SOS2: variants seen among roughly 807,000 people sequenced by gnomAD.
SOS2 encodes SOS Ras/Rho guanine nucleotide exchange factor 2, also known as son of sevenless homolog 2.
Under a neutral mutation model 148.2 loss-of-function variants are expected in SOS2, and 65 were observed. The observed-to-expected ratio is 0.44, with a 90% confidence interval of 0.36 to 0.54. SOS2 has a LOEUF of 0.54. SOS2 is among the 20% of genes least tolerant of loss of function. SOS2 has a pLI of 0.00. For synonymous variants in SOS2, 539 were observed against 537.1 expected, an observed-to-expected ratio of 1.00 and a Z score of -0.05; for missense variants, 1,341 against 1,590.2, an observed-to-expected ratio of 0.84 and a Z score of 2.67.
chr14:50,162,633 C>T (rs1885045721), intron 8 of SOS2, among the ~76,000 whole-genome samples: 1 of 152,110 alleles, frequency 6.6e-6, no homozygotes, highest in African/African-American at 2.4e-5. Flanking sequence ...ACTTTTAACA[C>T]TTCAATCTAT....
At chr14:50,178,695 T>C (rs1258862206) in intron 7 of SOS2, among the ~76,000 whole-genome samples, 11 of 15,104 alleles carry the variant, frequency 7.3e-4, no homozygotes, top group East Asian at 5.6e-3. Flanking sequence ...TATATATATA[T>C]ATATATATAT....
intron 12 of SOS2, among the ~76,000 whole-genome samples, chr14:50,154,159 G>C (rs1426277796): frequency 6.6e-6 from 1 of 152,102 alleles, no homozygotes. Context: ...GCAAGCCATG[G>C]AAAGAAAATA....
At chr14:50,165,251 C>T (rs1885130719) in intron 8 of SOS2, among the ~76,000 whole-genome samples, 1 of 152,052 alleles carries the variant, frequency 6.6e-6, no homozygotes, top group Non-Finnish European at 1.5e-5. Flanking sequence ...CCAATTTTGC[C>T]AACTGTTTTA....
chr14:50,182,704 G>T, intron 5 of SOS2, 98 bp from the exon 6 acceptor site: 2 of 901,070 alleles, frequency 2.2e-6, no homozygotes, highest in Non-Finnish European at 3.4e-6. Context: ...GAGGCAGACT[G>T]CCTATGGAAT....
chr14:50,126,625 A>C (rs995329842), intron 21 of SOS2, among the ~76,000 whole-genome samples: 3 of 152,188 alleles, frequency 2.0e-5, no homozygotes, highest in African/African-American at 7.2e-5. Context: ...TTAGAAATTT[A>C]AAATTATGAC....
chr14:50,153,420 T>C (rs533230054), intron 12 of SOS2, among the ~76,000 whole-genome samples: 1 of 152,320 alleles, frequency 6.6e-6, no homozygotes, highest in South Asian at 2.1e-4. Flanking sequence ...AATAGTGGTT[T>C]CTGTGCTTCC....
chr14:50,123,795 G>A (rs532360589), intron 21 of SOS2, among the ~76,000 whole-genome samples: 4 of 152,320 alleles, frequency 2.6e-5, no homozygotes. Flanking sequence ...AAGTCAGGAT[G>A]CTTACTGTAA....
intron 21 of SOS2, among the ~76,000 whole-genome samples, chr14:50,124,367 A>C (rs1371636844): frequency 6.6e-6 from 1 of 152,210 alleles, no homozygotes; most frequent in Admixed American, 6.5e-5. Flanking sequence ...TCATGCATGT[A>C]ACTTTTTCCA....
chr14:50,198,599 T>C (rs1044090926), intron 4 of SOS2, among the ~76,000 whole-genome samples: 1 of 152,226 alleles, frequency 6.6e-6, no homozygotes, highest in South Asian at 2.1e-4. Context: ...AAAAGCTTTC[T>C]ATTAATTCTG....
intron 16 of SOS2, among the ~76,000 whole-genome samples, chr14:50,142,252 C>T (rs146935771): frequency 6.6e-6 from 1 of 152,002 alleles, no homozygotes; most frequent in African/African-American, 2.4e-5. Context: ...ATGTGATCCA[C>T]CCACCTCAGC....
At chr14:50,185,495 C>T (rs1885878270) in intron 5 of SOS2, among the ~76,000 whole-genome samples, 1 of 151,950 alleles carries the variant, frequency 6.6e-6, no homozygotes, top group South Asian at 2.1e-4. Context: ...ATTTCGAGAC[C>T]AGCCTGGCCA....
At chr14:50,176,012 CAT>C (rs1594994791) in intron 7 of SOS2, among the ~76,000 whole-genome samples, 1 of 152,188 alleles carries the variant, frequency 6.6e-6, no homozygotes, top group African/African-American at 2.4e-5. Context: ...CCTCAAAAGT[CAT>C]ATATTGAAAC....
intron 1 of SOS2, among the ~76,000 whole-genome samples, chr14:50,209,752 T>A (rs1312415437): frequency 4.6e-5 from 2 of 43,742 alleles, no homozygotes; most frequent in African/African-American, 7.8e-5. Flanking sequence ...TGAGACCTTG[T>A]CTCAAAAAAA....
chr14:50,205,541 C>T (rs557527185), intron 1 of SOS2, among the ~76,000 whole-genome samples: 2 of 152,192 alleles, frequency 1.3e-5, no homozygotes, highest in Non-Finnish European at 1.5e-5. Flanking sequence ...CATCACATCA[C>T]GTGCCACCAC....
At chr14:50,145,379 C>T (rs1253053281) in intron 15 of SOS2, 47 bp from the exon 16 acceptor site, 3 of 1,566,452 alleles carry the variant, frequency 1.9e-6, no homozygotes, top group Non-Finnish European at 2.6e-6. Flanking sequence ...CTTCACCTCA[C>T]TTAGAAAACA....
chr14:50,197,752 A>C (rs576930974), intron 4 of SOS2, among the ~76,000 whole-genome samples: 13 of 148,662 alleles, frequency 8.7e-5, no homozygotes, highest in Admixed American at 6.9e-5. Context: ...GCAGTGGTGC[A>C]ATCTCAACTC....
chr14:50,161,363 A>G, intron 9 of SOS2, 119 bp downstream of exon 9: 2 of 786,090 alleles, frequency 2.5e-6, no homozygotes, highest in Non-Finnish European at 4.1e-6. Flanking sequence ...ATATAAAAGT[A>G]TGACAAGCAC....
chr14:50,150,774 G>A (rs949431301), intron 13 of SOS2, among the ~76,000 whole-genome samples: 2 of 152,000 alleles, frequency 1.3e-5, no homozygotes, highest in Non-Finnish European at 2.9e-5. Flanking sequence ...CCAGGCTGGA[G>A]AATAATGGCG....
chr14:50,134,461 G>T (rs919390746), intron 18 of SOS2, among the ~76,000 whole-genome samples: 7 of 152,066 alleles, frequency 4.6e-5, no homozygotes, highest in African/African-American at 1.4e-4. Flanking sequence ...TTATATTCTA[G>T]TCTTAAAGTT....
Sources: allele counts gnomAD v4.1 joint callset (sites outside exome capture counted in the v4.1 genomes callset), GRCh38; gene constraint gnomAD v4.1.1; transcripts MANE v1.5; gene names NCBI Gene and HGNC (gene_info 2026-07-23, HGNC 2026-07-21).